Variants in TPST1 observed in about 807,000 individuals in gnomAD.
The protein encoded by TPST1 is tyrosylprotein sulfotransferase 1.
Under a neutral mutation model 34.8 loss-of-function variants are expected in TPST1, and 20 were observed. The observed-to-expected ratio is 0.57, with a 90% CI of 0.40 to 0.84. TPST1 has a LOEUF of 0.84. TPST1 is among the 40% of genes least tolerant of loss of function. The pLI is 0.00. For missense variants in TPST1, 353 were observed against 455.5 expected, an observed-to-expected ratio of 0.78 and a Z score of 2.05; for synonymous variants, 152 against 159.4, an observed-to-expected ratio of 0.95 and a Z score of 0.35.
intron 1 of TPST1, among the ~76,000 whole-genome samples, chr7:66,207,128 T>G (rs903209900): frequency 1.2e-4 from 18 of 152,240 alleles, no homozygotes; most frequent in African/African-American, 4.8e-5. Context: ...CAAGGCAGAC[T>G]GGCAAAAATC....
At chr7:66,339,692 G>C (rs896992240) in intron 3 of TPST1, among the ~76,000 whole-genome samples, 10 of 151,972 alleles carry the variant, frequency 6.6e-5, no homozygotes, top group Non-Finnish European at 1.3e-4. Context: ...TTGAGGGTGG[G>C]GGGTTGGAGG....
At chr7:66,214,481 A>G (rs747863615) in intron 1 of TPST1, among the ~76,000 whole-genome samples, 26 of 151,796 alleles carry the variant, frequency 1.7e-4, no homozygotes, top group Non-Finnish European at 3.4e-4. Flanking sequence ...TCAAAATCCA[A>G]CTAAAATTGG....
At chr7:66,336,305 G>A (rs1434289122) in intron 3 of TPST1, among the ~76,000 whole-genome samples, 4 of 143,320 alleles carry the variant, frequency 2.8e-5, no homozygotes, top group Middle Eastern at 3.5e-3. Context: ...GCAAGACTCC[G>A]CCTCAAAAAA....
chr7:66,239,509 AG>A (rs1237353922), intron 1 of TPST1, among the ~76,000 whole-genome samples: 1 of 152,240 alleles, frequency 6.6e-6, no homozygotes, highest in Non-Finnish European at 1.5e-5. Flanking sequence ...TCTGGTCTGT[AG>A]TACCTAAATA....
chr7:66,312,644 T>C (rs1278019896), intron 3 of TPST1, among the ~76,000 whole-genome samples: 1 of 152,172 alleles, frequency 6.6e-6, no homozygotes, highest in Non-Finnish European at 1.5e-5. Context: ...ATAGGGAAAT[T>C]TTCCACTAAG....
chr7:66,199,874 C>T, the TPST1 span, among the ~76,000 whole-genome samples: 1 of 151,982 alleles, frequency 6.6e-6, no homozygotes, highest in Admixed American at 6.6e-5. Flanking sequence ...GCACCATGCC[C>T]GGCTAATTGT....
At chr7:66,218,859 A>C (rs936753201) in intron 1 of TPST1, among the ~76,000 whole-genome samples, 11 of 151,518 alleles carry the variant, frequency 7.3e-5, no homozygotes, top group Admixed American at 2.0e-4. Context: ...AAAAAAAAAA[A>C]ATTGTTATTA....
intron 2 of TPST1, among the ~76,000 whole-genome samples, chr7:66,274,778 A>G (rs1006482033): frequency 2.6e-5 from 4 of 152,214 alleles, no homozygotes; most frequent in African/African-American, 7.2e-5. Context: ...CCTGATAGAC[A>G]TTTATCAAAA....
intron 3 of TPST1, among the ~76,000 whole-genome samples, chr7:66,297,290 C>G (rs1584217188): frequency 6.6e-6 from 1 of 152,078 alleles, no homozygotes; most frequent in South Asian, 2.1e-4. Flanking sequence ...ATGTGTCCAC[C>G]GAAATGCTCT....
At chr7:66,310,989 TTGTC>T (rs1791520017) in intron 3 of TPST1, among the ~76,000 whole-genome samples, 1 of 151,806 alleles carries the variant, frequency 6.6e-6, no homozygotes, top group Admixed American at 6.6e-5. Context: ...ATGAGCCACT[TTGTC>T]TGGCCTAAAT....
intron 2 of TPST1, among the ~76,000 whole-genome samples, chr7:66,284,296 C>T (rs2115915896): frequency 6.6e-6 from 1 of 152,296 alleles, no homozygotes; most frequent in South Asian, 2.1e-4. Context: ...GCATCTACTA[C>T]ATTCCAGTCA....
At chr7:66,338,852 A>G (rs908256467) in intron 3 of TPST1, among the ~76,000 whole-genome samples, 3 of 152,188 alleles carry the variant, frequency 2.0e-5, no homozygotes, top group African/African-American at 7.2e-5. Flanking sequence ...TCAAAAAAGT[A>G]AAAAGACTTC....
At chr7:66,279,138 G>A (rs1408315811) in intron 2 of TPST1, among the ~76,000 whole-genome samples, 2 of 152,098 alleles carry the variant, frequency 1.3e-5, no homozygotes, top group Non-Finnish European at 2.9e-5. Context: ...TTGTATCTAT[G>A]TGTGCTCAGT....
At chr7:66,280,693 A>G (rs1196038986) in intron 2 of TPST1, among the ~76,000 whole-genome samples, 2 of 152,110 alleles carry the variant, frequency 1.3e-5, no homozygotes, top group African/African-American at 4.8e-5. Context: ...CTGGTTCTCA[A>G]TGGGAATACT....
At chr7:66,319,851 A>G (rs1317892319) in intron 3 of TPST1, among the ~76,000 whole-genome samples, 1 of 152,000 alleles carries the variant, frequency 6.6e-6, no homozygotes, top group African/African-American at 2.4e-5. Flanking sequence ...TTTTCCCATC[A>G]TTTTTCAACC....
At chr7:66,240,026 C>T (rs1411732047) in intron 1 of TPST1, among the ~76,000 whole-genome samples, 2 of 151,998 alleles carry the variant, frequency 1.3e-5, no homozygotes, top group African/African-American at 4.8e-5. Context: ...GGACTACAGG[C>T]ACCCGCCACC....
At chr7:66,336,423 G>A (rs538135201) in intron 3 of TPST1, among the ~76,000 whole-genome samples, 1 of 152,074 alleles carries the variant, frequency 6.6e-6, no homozygotes, top group East Asian at 1.9e-4. Context: ...ATAGAAACAA[G>A]AAAACAAATA....
chr7:66,272,012 G>A (rs1005198938), intron 2 of TPST1, among the ~76,000 whole-genome samples: 3 of 152,100 alleles, frequency 2.0e-5, no homozygotes, highest in African/African-American at 7.2e-5. Context: ...TATTCTCTGA[G>A]TTTGTAACTT....
chr7:66,341,363 C>A (rs770549910), intron 3 of TPST1, among the ~76,000 whole-genome samples: 30 of 152,264 alleles, frequency 2.0e-4, no homozygotes, highest in Non-Finnish European at 4.3e-4. Context: ...ACTGCAACCT[C>A]CGCCTCCTGG....
Sources: allele counts gnomAD v4.1 joint callset (sites outside exome capture counted in the v4.1 genomes callset), GRCh38; gene constraint gnomAD v4.1.1; transcripts MANE v1.5; gene names NCBI Gene and HGNC (gene_info 2026-07-23, HGNC 2026-07-21).